The following LHFPL6 variants were observed in gnomAD, a reference collection of about 807,000 sequenced individuals.
The protein encoded by LHFPL6 is LHFPL tetraspan subfamily member 6 protein.
A neutral mutation model predicts 20.6 loss-of-function variants in LHFPL6; 9 were observed. The ratio of observed to expected loss-of-function variants is 0.44; its 90% CI spans 0.26 to 0.76. The LOEUF (loss-of-function observed/expected upper bound fraction) is 0.76, where lower values mean the gene tolerates loss of function less well. Among genes scored for constraint, LHFPL6 ranks in the 30% least tolerant of loss-of-function variants. The pLI is 0.20. For missense variants in LHFPL6, 218 were observed against 253.5 expected (o/e 0.86, Z 0.95); for synonymous variants, 105 against 98.7 (o/e 1.06, Z -0.38).
intron 2 of LHFPL6, among the ~76,000 whole-genome samples, chr13:39,506,638 T>C (rs1869495460): frequency 6.6e-6 from 1 of 152,156 alleles, no homozygotes; most frequent in Non-Finnish European, 1.5e-5. Flanking sequence ...TCCATCATTC[T>C]GTCAGCTCCT....
In LHFPL6 at chr13:39,579,697, G is replaced by A. The variant is rs148777178; in HGVS notation, c.385+21135C>T. Among the ~76,000 whole-genome samples the A allele has an allele frequency of 4.9e-4, 75 of 152,040 alleles. 2 individuals carry two copies. The highest frequency in any genetic ancestry group is 2.9e-3 in the East Asian group (15 of 5,172). ...CCCGAGGATCAGAAATGAAAGCTCC[G>A]AAACCCCTCAATTGAGCCCTAATCT... On this transcript the variant is annotated intron_variant, in intron 2 of 3. Coordinates refer to ENST00000379589, the MANE Select transcript of LHFPL6 (RefSeq NM_005780.3).
chr13:39,591,024 T>A (rs762013214), intron 2 of LHFPL6, among the ~76,000 whole-genome samples: 1 of 152,096 alleles, frequency 6.6e-6, no homozygotes, highest in African/African-American at 2.4e-5. Context: ...CTGAACCAGG[T>A]CAAAAATAAA....
intron 2 of LHFPL6, among the ~76,000 whole-genome samples, chr13:39,388,965 C>A (rs771163007): frequency 6.6e-6 from 1 of 152,134 alleles, no homozygotes; most frequent in East Asian, 1.9e-4. Context: ...ACTCATTGTG[C>A]GATCCTCTCA....
intron 2 of LHFPL6, among the ~76,000 whole-genome samples, chr13:39,446,690 G>T (rs1305623892): frequency 6.6e-6 from 1 of 150,742 alleles, no homozygotes; most frequent in African/African-American, 2.4e-5. Flanking sequence ...AAACCATATT[G>T]CCCAAAGTAC....
At chr13:39,480,596 C>T (rs969866419) in intron 2 of LHFPL6, among the ~76,000 whole-genome samples, 3 of 152,146 alleles carry the variant, frequency 2.0e-5, no homozygotes, top group Middle Eastern at 3.2e-3. Context: ...ATGGTAACAT[C>T]TTTGTGTGGG....
At chr13:39,399,421 T>C (rs568322817) in intron 2 of LHFPL6, among the ~76,000 whole-genome samples, 35 of 152,288 alleles carry the variant, frequency 2.3e-4, no homozygotes, top group South Asian at 4.1e-4. Flanking sequence ...TTAATTAGCA[T>C]TTATTAGAGG....
intron 2 of LHFPL6, among the ~76,000 whole-genome samples, chr13:39,448,328 C>T (rs577799974): frequency 1.3e-4 from 20 of 152,240 alleles, no homozygotes; most frequent in South Asian, 4.2e-4. Context: ...TTATGGAACA[C>T]GACCTGCTTC....
At chr13:39,441,137 A>ATTTTTTTTT (rs57695621) in intron 2 of LHFPL6, among the ~76,000 whole-genome samples, 2 of 91,450 alleles carry the variant, frequency 2.2e-5, no homozygotes, top group Non-Finnish European at 4.2e-5. Context: ...ATGCCAACTA[A>ATTTTTTTTT]TTTTTTTTTT....
chr13:39,358,225 AC>A (rs1230956278), intron 3 of LHFPL6, among the ~76,000 whole-genome samples: 4 of 152,122 alleles, frequency 2.6e-5, no homozygotes, highest in African/African-American at 9.7e-5. Context: ...AGAATAGAGA[AC>A]CTAGAAATAA....
chr13:39,491,088 A>T (rs546861365), intron 2 of LHFPL6, among the ~76,000 whole-genome samples: 128 of 152,340 alleles, frequency 8.4e-4, no homozygotes, highest in African/African-American at 2.9e-3. Context: ...CATGGCACAT[A>T]TACACTACTC....
chr13:39,377,342 G>C (rs905839354), intron 3 of LHFPL6, among the ~76,000 whole-genome samples: 1 of 152,044 alleles, frequency 6.6e-6, no homozygotes, highest in African/African-American at 2.4e-5. Flanking sequence ...TTTATTATAG[G>C]AGCCTTAGGT....
At chr13:39,517,988 T>A (rs949996854) in intron 2 of LHFPL6, among the ~76,000 whole-genome samples, 3 of 152,330 alleles carry the variant, frequency 2.0e-5, no homozygotes, top group East Asian at 3.9e-4. Context: ...ACTGCTGAAA[T>A]AAGCTACTGG....
At position 39,354,166 on chromosome 13, in the gene LHFPL6, A is replaced by T. The variant is rs1015504177; in HGVS notation, c.485-10112T>A. On this transcript the variant is annotated intron_variant, in intron 3 of 3. Coordinates refer to ENST00000379589, the MANE Select transcript of LHFPL6 (RefSeq NM_005780.3). ...TAAGAGCCTATCTGCCAGCCCTTAC[A>T]TGTATGCACCGTCCACTGGATTGCA... Among the ~76,000 whole-genome samples, 8 of 152,154 alleles carry T rather than the reference A, an allele frequency of 5.3e-5. No individual in the cohort carries two copies. In the East Asian group the frequency reaches 1.2e-3, roughly 22 times the overall value.
chr13:39,349,876 A>T (rs901361566), intron 3 of LHFPL6, among the ~76,000 whole-genome samples: 1 of 152,196 alleles, frequency 6.6e-6, no homozygotes, highest in Non-Finnish European at 1.5e-5. Context: ...GGGTCTTGCT[A>T]AAGTATTGCT....
At chr13:39,369,754 G>C (rs530388084) in intron 3 of LHFPL6, among the ~76,000 whole-genome samples, 1 of 152,010 alleles carries the variant, frequency 6.6e-6, no homozygotes, top group Admixed American at 6.6e-5. Context: ...TTGTTGCCTA[G>C]AATGTGCTTA....
chr13:39,411,922 T>A (rs1871247718), intron 2 of LHFPL6, among the ~76,000 whole-genome samples: 1 of 152,226 alleles, frequency 6.6e-6, no homozygotes, highest in African/African-American at 2.4e-5. Flanking sequence ...GTGTGCTGTT[T>A]CTCATCATGG....
chr13:39,573,019 G>A (rs6563727), intron 2 of LHFPL6, among the ~76,000 whole-genome samples: 131,334 of 152,256 alleles, frequency 0.86, 56,759 homozygotes, highest in South Asian at 0.93. Flanking sequence ...TTATTTCCAC[G>A]TAAAGAAGAA....
intron 2 of LHFPL6, among the ~76,000 whole-genome samples, chr13:39,438,529 C>T (rs1430258260): frequency 1.3e-5 from 2 of 152,230 alleles, no homozygotes; most frequent in South Asian, 2.1e-4. Context: ...GAGCCAAGTG[C>T]TAATATCCAA....
chr13:39,536,391 T>C (rs551180070), intron 2 of LHFPL6, among the ~76,000 whole-genome samples: 4 of 152,092 alleles, frequency 2.6e-5, no homozygotes, highest in Non-Finnish European at 5.9e-5. Context: ...AGTTGCTACA[T>C]CTCCAGGCTC....
Sources: gnomAD v4.1 joint callset for allele counts (sites outside exome capture counted in the v4.1 genomes callset) on GRCh38, gnomAD v4.1.1 for gene constraint, MANE v1.5 for transcripts, NCBI Gene and HGNC (gene_info 2026-07-23, HGNC 2026-07-21) for gene names.